The following TLN2 variants were observed in gnomAD, a reference collection of about 807,000 sequenced individuals.
TLN2 encodes talin 2, also known as talin-2.
In TLN2, 118 loss-of-function variants were observed where a neutral mutation model predicts 294.7. The ratio of observed to expected loss-of-function variants is 0.40; its 90% CI spans 0.34 to 0.47. The LOEUF is 0.47. TLN2 is among the 20% of genes least tolerant of loss of function. The pLI is 0.84. For missense variants in TLN2, 3,083 were observed against 3,282.2 expected, an observed-to-expected ratio of 0.94 and a Z score of 1.48; for synonymous variants, 1,431 against 1,304.5, an observed-to-expected ratio of 1.10 and a Z score of -2.09.
intron 1 of TLN2, among the ~76,000 whole-genome samples, chr15:62,409,737 A>G (rs2033648727): frequency 6.6e-6 from 1 of 151,506 alleles, no homozygotes; most frequent in Admixed American, 6.6e-5. Flanking sequence ...TATTTCAAAA[A>G]TTGGTAAATG....
chr15:62,412,429 A>G (rs2033827339), intron 1 of TLN2, among the ~76,000 whole-genome samples: 2 of 152,172 alleles, frequency 1.3e-5, no homozygotes, highest in Admixed American at 1.3e-4. Context: ...ATCATCTCTG[A>G]TGGCAGGGTG....
rs573496211 is a variant in TLN2, at chr15:62,727,136, C to T, written c.3305C>T (p.Ser1102Phe). Reference sequence around the variant, plus strand: ...GGAAGCACATCCAAGGCGGTGGGCTCCTCCATGGCACAGCTGCTGACCTGT... The same window carrying T: ...GGAAGCACATCCAAGGCGGTGGGCTTCTCCATGGCACAGCTGCTGACCTGT... Reference protein sequence around the residue: ...DLGSTSKAVGSSMAQLLTCAA... With the variant: ...DLGSTSKAVGFSMAQLLTCAA... Residue 1102 changes from serine (S) to phenylalanine (F), a missense_variant, in exon 28 of 59, where the codon TCC becomes TTC. Transcript: ENST00000636159. 2.8e-4 allele frequency: 457 copies of T among 1,614,196 alleles called. 7 individuals carry two copies. In the South Asian group the frequency reaches 4.4e-3, roughly 16 times the overall value.
At chr15:62,686,456 G>C (rs562104664) in intron 11 of TLN2, among the ~76,000 whole-genome samples, 185 bp from the exon 12 acceptor site, 3 of 152,170 alleles carry the variant, frequency 2.0e-5, no homozygotes, top group Admixed American at 2.0e-4. Flanking sequence ...TCATGTCTTT[G>C]TTTGAGTTCC....
chr15:62,525,246 G>A (rs986871382), intron 1 of TLN2, among the ~76,000 whole-genome samples: 5 of 152,176 alleles, frequency 3.3e-5, no homozygotes, highest in African/African-American at 1.2e-4. Flanking sequence ...GGCCATCCAC[G>A]TGTCCTCAGG....
At chr15:62,469,477 C>T (rs778633550) in intron 1 of TLN2, among the ~76,000 whole-genome samples, 14 of 152,226 alleles carry the variant, frequency 9.2e-5, no homozygotes, top group Non-Finnish European at 1.6e-4. Context: ...TTTGAAGTCC[C>T]AAGCTTTTTT....
chr15:62,726,840 A>G (rs1460034944), intron 27 of TLN2, among the ~76,000 whole-genome samples: 3 of 152,188 alleles, frequency 2.0e-5, no homozygotes, highest in Non-Finnish European at 2.9e-5. Flanking sequence ...GGAGAGGTTC[A>G]GTAATTTACT....
chr15:62,816,591 A>C (rs1240397429), intron 52 of TLN2, among the ~76,000 whole-genome samples: 4 of 152,236 alleles, frequency 2.6e-5, no homozygotes. Context: ...TTTTAGAGAC[A>C]GAAGTCTTTC....
intron 1 of TLN2, among the ~76,000 whole-genome samples, chr15:62,575,615 C>A (rs2044321728): frequency 6.6e-6 from 1 of 151,510 alleles, no homozygotes; most frequent in African/African-American, 2.4e-5. Flanking sequence ...AACACACACA[C>A]ACACACACAT....
intron 1 of TLN2, among the ~76,000 whole-genome samples, chr15:62,586,888 C>T (rs993649566): frequency 3.3e-5 from 5 of 152,178 alleles, no homozygotes; most frequent in African/African-American, 1.2e-4. Flanking sequence ...AGCTGTAGTA[C>T]ATAAACATTA....
intron 1 of TLN2, among the ~76,000 whole-genome samples, chr15:62,426,665 A>T (rs546618398): frequency 6.6e-6 from 1 of 152,270 alleles, no homozygotes; most frequent in Non-Finnish European, 1.5e-5. Flanking sequence ...TGAGCTGTTC[A>T]TTCAGTTTTG....
intron 1 of TLN2, among the ~76,000 whole-genome samples, chr15:62,543,378 T>A (rs377186685): frequency 1.3e-5 from 2 of 152,232 alleles, no homozygotes; most frequent in Non-Finnish European, 2.9e-5. Flanking sequence ...GATATAATTA[T>A]GTGCAATGTG....
intron 1 of TLN2, among the ~76,000 whole-genome samples, chr15:62,466,367 C>T (rs906835876): frequency 3.3e-5 from 5 of 152,190 alleles, no homozygotes; most frequent in African/African-American, 1.2e-4. Context: ...GCACTGTTGC[C>T]GTTTGGGGCT....
At chr15:62,586,125 G>C (rs549442013) in intron 1 of TLN2, among the ~76,000 whole-genome samples, 1 of 152,310 alleles carries the variant, frequency 6.6e-6, no homozygotes, top group South Asian at 2.1e-4. Flanking sequence ...TAAATGCAAC[G>C]TTTTGTCTCT....
chr15:62,511,050 G>T (rs1382667413), intron 1 of TLN2, among the ~76,000 whole-genome samples: 2 of 152,150 alleles, frequency 1.3e-5, no homozygotes, highest in South Asian at 2.1e-4. Flanking sequence ...CCAATGCTAG[G>T]CTCTACAGCT....
intron 55 of TLN2, chr15:62,835,447 T>G (rs187541999): frequency 4.0e-6 from 2 of 494,006 alleles, no homozygotes; most frequent in Non-Finnish European, 3.6e-6. Context: ...CCCCAGGTCA[T>G]CATTCCTGAG....
rs1466776788 is a variant in TLN2 at position 62,582,245 on chromosome 15, CACAT to C, written c.-237-7441_-237-7438del. On this transcript the variant is annotated intron_variant, in intron 1 of 58. Transcript: ENST00000636159. ...ACACACACACACACACACACACACA[CACAT>C]TCATGCCTGACCCATTCCTGACCCT... is the stretch of plus-strand genomic sequence containing the variant. Among the ~76,000 whole-genome samples the C allele has an allele frequency of 3.7e-4, 53 of 144,786 alleles. 1 individual carries two copies. Among genetic ancestry groups the C allele is most frequent in the African/African-American group, 1.2e-3 (49 of 39,262 alleles). The allele number at this position is 144,786 out of a possible 152,430, so 95.0% of individuals were successfully genotyped here.
chr15:62,460,720 T>G (rs2036752817), intron 1 of TLN2, among the ~76,000 whole-genome samples: 1 of 152,206 alleles, frequency 6.6e-6, no homozygotes, highest in Non-Finnish European at 1.5e-5. Flanking sequence ...ATGTTTTCTC[T>G]CTTTGCAATG....
intron 1 of TLN2, among the ~76,000 whole-genome samples, chr15:62,501,674 A>G (rs551547014): frequency 1.1e-4 from 16 of 152,344 alleles, no homozygotes; most frequent in African/African-American, 3.8e-4. Flanking sequence ...ACCCATCCAC[A>G]CTGATGTGAC....
intron 1 of TLN2, among the ~76,000 whole-genome samples, chr15:62,517,193 C>T (rs1277583684): frequency 6.6e-6 from 1 of 152,166 alleles, no homozygotes; most frequent in Non-Finnish European, 1.5e-5. Context: ...TTGGAGTCCC[C>T]ACTTTCTGCA....
Sources: allele counts gnomAD v4.1 joint callset (sites outside exome capture counted in the v4.1 genomes callset), GRCh38; gene constraint gnomAD v4.1.1; transcripts MANE v1.5; gene names NCBI Gene and HGNC (gene_info 2026-07-23, HGNC 2026-07-21).